Variants in ERCC8 observed in about 807,000 individuals in gnomAD.
The protein encoded by ERCC8 is ERCC excision repair 8, CSA ubiquitin ligase complex subunit.
ERCC8 carries 52 observed loss-of-function variants against 54.9 expected under a neutral mutation model. The observed-to-expected ratio is 0.95, with a 90% CI of 0.76 to 1.19. The LOEUF (loss-of-function observed/expected upper bound fraction) is 1.19, where lower values mean the gene tolerates loss of function less well. Ranked by LOEUF, ERCC8 falls within the 50% of genes most tolerant of loss-of-function variation. The probability of loss-of-function intolerance (pLI) is 0.00; values close to 1 mark genes in which losing one functional copy is unlikely to be tolerated. For missense variants in ERCC8, 514 were observed against 466.1 expected (o/e 1.10, Z -0.95); for synonymous variants, 146 against 157.2 (o/e 0.93, Z 0.53).
chr5:60,918,227 T>G (rs752768220), intron 4 of ERCC8, 38 bp downstream of exon 4: 1 of 1,497,628 alleles, frequency 6.7e-7, no homozygotes, highest in Non-Finnish European at 9.3e-7. Flanking sequence ...TTCTCCTTTA[T>G]CCTACAAAGC....
At chr5:60,894,961 G>C (rs553846642) in intron 9 of ERCC8, among the ~76,000 whole-genome samples, 1 of 152,174 alleles carries the variant, frequency 6.6e-6, no homozygotes, top group South Asian at 2.1e-4. Context: ...ACAAGATCAG[G>C]AGTTCAACAC....
intron 1 of ERCC8, 28 bp downstream of exon 1, chr5:60,944,904 G>T (rs1750389274): frequency 2.5e-6 from 4 of 1,569,122 alleles, no homozygotes; most frequent in South Asian, 1.1e-5. Flanking sequence ...TAACTGGCCT[G>T]TTAGCCAAAA....
rs1039753622 is a variant in ERCC8 at position 60,866,594 on chromosome 5, T to C, written c.*8021A>G. 2 of 152,198 alleles carry C rather than the reference T, an allele frequency of 1.3e-5. No homozygotes were observed. The highest frequency in any genetic ancestry group is 2.4e-5 in the African/African-American group (1 of 41,454). The allele number at this position is 152,198 out of a possible 1,614,324, so 9.4% of individuals were successfully genotyped here. ...CTCCATAATAATTCACATGGAAACT[T>C]TGCTTTAAAAGTGTAATTCAGGCAA... On this transcript the variant is annotated 3_prime_UTR_variant, in exon 12 of 12. Coordinates refer to ENST00000676185, the MANE Select transcript of ERCC8 (RefSeq NM_000082.4).
rs117278849 is a variant in ERCC8, at chr5:60,905,243, C to T, written c.400-370G>A. On this transcript the variant is annotated intron_variant, in intron 4 of 11. Coordinates refer to ENST00000676185, the MANE Select transcript of ERCC8 (RefSeq NM_000082.4). ...ATAACCTGAGCTACCACACCCAGGA[C>T]GCTGTCACTACCTAGAATTGCCCCT... 3.6e-4 allele frequency among the ~76,000 whole-genome samples: 54 copies of T among 151,806 alleles called. 1 individual carries two copies. In the East Asian group the frequency reaches 8.9e-3, roughly 25 times the overall value.
rs75040088 is a variant in ERCC8 at position 60,896,630 on chromosome 5, G to A, written c.843+1646C>T. ...AAAGTAATCTTTTCTGGTATCAACC[G>A]TAAGTATTCTATGTAGGTCAGTTTC... On this transcript the variant is annotated intron_variant, in intron 9 of 11. Coordinates refer to ENST00000676185, the MANE Select transcript of ERCC8 (RefSeq NM_000082.4). 7.0e-3 allele frequency among the ~76,000 whole-genome samples: 1,060 copies of A among 152,276 alleles called. 15 individuals carry two copies. The highest frequency in any genetic ancestry group is 0.025 in the African/African-American group (1,023 of 41,562).
intron 9 of ERCC8, chr5:60,893,307 A>C (rs1748622470): frequency 1.1e-6 from 1 of 907,886 alleles, no homozygotes; most frequent in South Asian, 1.3e-5. Flanking sequence ...TTACACTGAA[A>C]CTCCTCCTGG....
chr5:60,899,777 G>A lies in ERCC8; in HGVS notation c.618-50C>T, dbSNP rs1420141057. On this transcript the variant is annotated intron_variant, in intron 7 of 11. Coordinates refer to ENST00000676185, the MANE Select transcript of ERCC8 (RefSeq NM_000082.4). ...GACATATGTAGCTAGGACAATGACT[G>A]TACCCCTCACCCACCTTTCTAATTT... 3.0e-6 allele frequency: 4 copies of A among 1,329,248 alleles called. No homozygotes were observed. The African/African-American group carries it at 4.3e-5, about 14-fold the overall frequency. The allele number at this position is 1,329,248 out of a possible 1,614,324, so 82.3% of individuals were successfully genotyped here. A position where few individuals can be genotyped will look rare whatever the true frequency, so the allele number is the denominator to read the frequency against.
At chr5:60,916,807 G>T in intron 4 of ERCC8, among the ~76,000 whole-genome samples, 1 of 151,924 alleles carries the variant, frequency 6.6e-6, no homozygotes, top group Non-Finnish European at 1.5e-5. Context: ...TTTTTAGTAT[G>T]TGGCCAGTTA....
chr5:60,882,374 T>A (rs943279549), intron 11 of ERCC8, among the ~76,000 whole-genome samples: 9 of 152,178 alleles, frequency 5.9e-5, no homozygotes, highest in African/African-American at 2.2e-4. Context: ...TCAGCTATAC[T>A]CCAAATGTCC....
At chr5:60,888,068 T>C (rs1473781531) in intron 10 of ERCC8, among the ~76,000 whole-genome samples, 2 of 152,220 alleles carry the variant, frequency 1.3e-5, no homozygotes, top group South Asian at 2.1e-4. Context: ...TCTACAGATA[T>C]GCTGTTTGCT....
chr5:60,896,058 C>T (rs904435507), intron 9 of ERCC8, among the ~76,000 whole-genome samples: 1 of 152,160 alleles, frequency 6.6e-6, no homozygotes, highest in African/African-American at 2.4e-5. Flanking sequence ...ATGCTCTCGG[C>T]TCACCGCAAC....
chr5:60,892,863 A>C, intron 9 of ERCC8: 1 of 696,126 alleles, frequency 1.4e-6, no homozygotes, highest in East Asian at 2.5e-5. Flanking sequence ...CAGGCTTTTA[A>C]TCAGGCTGCT....
intron 3 of ERCC8, among the ~76,000 whole-genome samples, chr5:60,920,214 C>A (rs781709549): frequency 7.2e-5 from 11 of 151,924 alleles, no homozygotes; most frequent in South Asian, 2.1e-4. Context: ...CTGATTCTCC[C>A]ATCTTCCTGA....
At chr5:60,932,389 T>C (rs931436004) in intron 1 of ERCC8, among the ~76,000 whole-genome samples, 1 of 152,166 alleles carries the variant, frequency 6.6e-6, no homozygotes, top group African/African-American at 2.4e-5. Flanking sequence ...GAGAAAATAA[T>C]GTGCTTTATG....
chr5:60,906,710 C>T (rs536800576), intron 4 of ERCC8, among the ~76,000 whole-genome samples: 2 of 151,132 alleles, frequency 1.3e-5, no homozygotes, highest in Admixed American at 1.3e-4. Context: ...GCCTGGGCAA[C>T]GGAGCAAAAC....
At chr5:60,916,740 C>T (rs996928339) in intron 4 of ERCC8, among the ~76,000 whole-genome samples, 2 of 151,972 alleles carry the variant, frequency 1.3e-5, no homozygotes, top group Non-Finnish European at 2.9e-5. Context: ...CATTTATATA[C>T]ACAACACTGT....
chr5:60,870,244 C>T lies in ERCC8; in HGVS notation c.*4371G>A, dbSNP rs944731975. ...AAAGTATAGGACAGAAACAACAAAA[C>T]AAGTAATTATTAAGCACCTACTACA... On this transcript the variant is annotated 3_prime_UTR_variant, in exon 12 of 12. Coordinates refer to ENST00000676185, the MANE Select transcript of ERCC8 (RefSeq NM_000082.4). Among the ~76,000 whole-genome samples, 6 of 151,832 alleles carry T rather than the reference C, an allele frequency of 4.0e-5. No individual in the cohort carries two copies. Among genetic ancestry groups the T allele is most frequent in the African/African-American group, 1.5e-4 (6 of 41,306 alleles).
At chr5:60,880,561 TTTCTTTTTA>T (rs1447333685) in intron 11 of ERCC8, among the ~76,000 whole-genome samples, 1 of 152,190 alleles carries the variant, frequency 6.6e-6, no homozygotes, top group Non-Finnish European at 1.5e-5. Flanking sequence ...GCTTTGTTCA[TTTCTTTTTA>T]TTCTTTTTTC....
chr5:60,906,277 C>A (rs1200356491), intron 4 of ERCC8, among the ~76,000 whole-genome samples: 1 of 151,952 alleles, frequency 6.6e-6, no homozygotes, highest in African/African-American at 2.4e-5. Flanking sequence ...CTCAAGCAAT[C>A]CACCCTCCTT....
Sources: gnomAD v4.1 joint callset for allele counts (sites outside exome capture counted in the v4.1 genomes callset) on GRCh38, gnomAD v4.1.1 for gene constraint, MANE v1.5 for transcripts, NCBI Gene and HGNC (gene_info 2026-07-23, HGNC 2026-07-21) for gene names.